HSF5: variants seen among roughly 807,000 people sequenced by gnomAD.
HSF5 encodes heat shock transcription factor 5, also known as heat shock factor protein 5.
In HSF5, 5 loss-of-function variants were observed where a neutral mutation model predicts 50.8. That is an observed-to-expected ratio of 0.10 (90% confidence interval 0.05 to 0.21). HSF5 has a LOEUF of 0.21. Among genes scored for constraint, HSF5 ranks in the 10% least tolerant of loss-of-function variants. The probability of loss-of-function intolerance (pLI) is 1.00; values close to 1 mark genes in which losing one functional copy is unlikely to be tolerated. For missense variants in HSF5, 564 were observed against 762.6 expected (o/e 0.74, Z 3.07); for synonymous variants, 307 against 307.4 (o/e 1.00, Z 0.02).
intron 5 of HSF5, among the ~76,000 whole-genome samples, chr17:58,444,335 T>C (rs1598185973): frequency 6.6e-6 from 1 of 152,188 alleles, no homozygotes; most frequent in African/African-American, 2.4e-5. Flanking sequence ...ACTACAAAGC[T>C]ACAGTAATCA....
chr17:58,487,951 G>C lies in HSF5; in HGVS notation c.324C>G (p.Leu108=). 3 of 1,611,564 alleles carry C rather than the reference G, an allele frequency of 1.9e-6. No individual in the cohort carries two copies. The highest frequency in any genetic ancestry group is 2.5e-6 in the Non-Finnish European group (3 of 1,179,394). Residue 108 remains leucine, a synonymous_variant, in exon 1 of 6, where the codon CTC becomes CTG. Transcript: ENST00000323777. ...GGAAGTGCGGGTTGTGGAAGTGATG[G>C]AGCGGCCCATTGCCTGCCGGTTTGC... The part of the protein sequence containing the change: ...GGGKPAGNGP[L]HHFHNPHFRR...
At chr17:58,424,058 G>T (rs1032373696) in intron 5 of HSF5, among the ~76,000 whole-genome samples, 1 of 152,250 alleles carries the variant, frequency 6.6e-6, no homozygotes, top group African/African-American at 2.4e-5. Flanking sequence ...AGTCACCAGG[G>T]ATAGGTGCTT....
intron 5 of HSF5, among the ~76,000 whole-genome samples, chr17:58,428,104 G>A (rs865923500): frequency 1.1e-4 from 16 of 152,230 alleles, no homozygotes; most frequent in Middle Eastern, 3.4e-3. Flanking sequence ...ATTAAAAAAT[G>A]TAAAAACCAT....
At chr17:58,459,445 C>T (rs1050633717) in intron 4 of HSF5, among the ~76,000 whole-genome samples, 19 of 151,790 alleles carry the variant, frequency 1.3e-4, no homozygotes, top group African/African-American at 4.6e-4. Context: ...CAGGAGTTCT[C>T]GACCAGCCTG....
chr17:58,463,055 T>C lies in HSF5; in HGVS notation c.1269A>G (p.Ala423=), dbSNP rs776554805. The change falls in exon 4 of 6, where the codon GCA becomes GCG. Residue 423 remains alanine, a synonymous_variant. Coordinates refer to ENST00000323777, the MANE Select transcript of HSF5 (RefSeq NM_001080439.3). Reference sequence around the variant, plus strand: ...GTGGCTCCAGCTGGCTAGCCTGACTTGCAGAACATGGATTGCTGTTGTTAG... The same window carrying C: ...GTGGCTCCAGCTGGCTAGCCTGACTCGCAGAACATGGATTGCTGTTGTTAG... ...ANSNNSNPCS[A]SQASQLEPLT... The C allele has an allele frequency of 6.2e-7, 1 of 1,614,218 alleles. No individual in the cohort carries two copies. The highest frequency in any genetic ancestry group is 1.1e-5 in the South Asian group (1 of 91,090).
At chr17:58,452,455 C>T (rs1974654101) in intron 5 of HSF5, among the ~76,000 whole-genome samples, 1 of 152,088 alleles carries the variant, frequency 6.6e-6, no homozygotes, top group Non-Finnish European at 1.5e-5. Context: ...GGTTGAATCA[C>T]AAAGAAAGAG....
intron 5 of HSF5, among the ~76,000 whole-genome samples, chr17:58,428,712 T>C (rs968690135): frequency 2.0e-5 from 3 of 152,194 alleles, no homozygotes; most frequent in Admixed American, 1.3e-4. Context: ...AGGATGGCTC[T>C]AATAATAATT....
intron 5 of HSF5, among the ~76,000 whole-genome samples, chr17:58,446,745 C>T (rs1391487007): frequency 6.6e-6 from 1 of 152,216 alleles, no homozygotes; most frequent in Non-Finnish European, 1.5e-5. Flanking sequence ...TGCGACCCAA[C>T]ACAATACCAG....
chr17:58,482,709 C>CAAAAAAA (rs34783781), intron 1 of HSF5, among the ~76,000 whole-genome samples: 4 of 13,456 alleles, frequency 3.0e-4, no homozygotes, highest in African/African-American at 6.1e-4. Flanking sequence ...GACTCCATCT[C>CAAAAAAA]AAAAAAAAAA....
At chr17:58,481,770 C>G (rs935043629) in intron 1 of HSF5, among the ~76,000 whole-genome samples, 2 of 152,240 alleles carry the variant, frequency 1.3e-5, no homozygotes, top group Non-Finnish European at 2.9e-5. Context: ...GAGGCCAAGG[C>G]AGGCAGATCA....
intron 3 of HSF5, among the ~76,000 whole-genome samples, chr17:58,464,937 ATT>A (rs750451910): frequency 2.8e-4 from 39 of 140,062 alleles, no homozygotes; most frequent in Admixed American, 5.0e-4. Flanking sequence ...CGCCTGGCAG[ATT>A]TTTTTTTTTT....
intron 5 of HSF5, among the ~76,000 whole-genome samples, chr17:58,428,770 G>A (rs1310241145): frequency 6.6e-6 from 1 of 152,084 alleles, no homozygotes; most frequent in Non-Finnish European, 1.5e-5. Flanking sequence ...AGAGAAACTG[G>A]AACCCTTGTG....
intron 3 of HSF5, among the ~76,000 whole-genome samples, chr17:58,465,441 T>C (rs1428328160): frequency 1.3e-5 from 2 of 152,100 alleles, no homozygotes; most frequent in East Asian, 3.9e-4. Flanking sequence ...AGAGAGTGCC[T>C]GGACCCACAA....
At chr17:58,427,268 A>G (rs1974308554) in intron 5 of HSF5, among the ~76,000 whole-genome samples, 1 of 152,138 alleles carries the variant, frequency 6.6e-6, no homozygotes, top group Admixed American at 6.5e-5. Context: ...TCAAAATAAA[A>G]CAAAATAAAA....
In HSF5 at chr17:58,425,575, C is replaced by CAAAAAAA. The variant is rs66502039; in HGVS notation, c.1721-3152_1721-3146dup. On this transcript the variant is annotated intron_variant, in intron 5 of 5. Coordinates refer to ENST00000323777, the MANE Select transcript of HSF5 (RefSeq NM_001080439.3). Reference sequence around the variant, plus strand: ...GGGCAACATAGTAAGACCTCTATCTCAAAAAAAAAAAAAAAAAAAAAAAAA... The same window carrying CAAAAAAA: ...GGGCAACATAGTAAGACCTCTATCTCAAAAAAAAAAAAAAAAAAAAAAAAAAAAAAAA... Among the ~76,000 whole-genome samples the CAAAAAAA allele has an allele frequency of 1.1e-3, 35 of 32,982 alleles. 1 individual carries two copies. The highest frequency in any genetic ancestry group is 1.6e-3 in the Admixed American group (3 of 1,928). 21.6% of individuals were successfully genotyped at this position (32,982 alleles called of 152,430 possible).
At chr17:58,442,883 A>T (rs1974516496) in intron 5 of HSF5, among the ~76,000 whole-genome samples, 1 of 150,788 alleles carries the variant, frequency 6.6e-6, no homozygotes, top group Non-Finnish European at 1.5e-5. Flanking sequence ...GACTACAGGC[A>T]TGCAGCACCA....
intron 5 of HSF5, among the ~76,000 whole-genome samples, chr17:58,449,983 A>G (rs921143071): frequency 1.4e-5 from 2 of 142,434 alleles, no homozygotes; most frequent in African/African-American, 5.3e-5. Context: ...AGATCCCGCC[A>G]CTGCACTCCA....
intron 5 of HSF5, among the ~76,000 whole-genome samples, chr17:58,440,021 G>A (rs374090853): frequency 2.6e-5 from 4 of 151,806 alleles, no homozygotes; most frequent in African/African-American, 7.3e-5. Context: ...GTAATGTCAG[G>A]CCTGATAATT....
chr17:58,450,707 C>T (rs990561474), intron 5 of HSF5, among the ~76,000 whole-genome samples: 28 of 145,142 alleles, frequency 1.9e-4, no homozygotes, highest in African/African-American at 2.6e-4. Flanking sequence ...GAGCCAAGAT[C>T]GCGCCATTGT....
Sources: gnomAD v4.1 joint callset for allele counts (sites outside exome capture counted in the v4.1 genomes callset) on GRCh38, gnomAD v4.1.1 for gene constraint, MANE v1.5 for transcripts, NCBI Gene and HGNC (gene_info 2026-07-23, HGNC 2026-07-21) for gene names.